KCNMA1: variants seen among roughly 807,000 people sequenced by gnomAD.
The protein encoded by KCNMA1 is potassium calcium-activated channel subfamily M alpha 1, also known as Calcium-activated potassium channel subunit alpha-1.
KCNMA1 carries 29 observed loss-of-function variants against 140.0 expected under a neutral mutation model. The observed-to-expected ratio is 0.21, with a 90% confidence interval of 0.15 to 0.28. The LOEUF (loss-of-function observed/expected upper bound fraction) is 0.28. Among genes scored for constraint, KCNMA1 ranks in the 10% least tolerant of loss-of-function variants. The pLI is 1.00. For missense variants in KCNMA1, 880 were observed against 1,602.2 expected, an observed-to-expected ratio of 0.55 and a Z score of 7.70; for synonymous variants, 612 against 611.9, an observed-to-expected ratio of 1.00 and a Z score of 0.00.
At chr10:77,375,907 C>T (rs560222593) in intron 2 of KCNMA1, among the ~76,000 whole-genome samples, 27 of 152,338 alleles carry the variant, frequency 1.8e-4, no homozygotes, top group African/African-American at 6.0e-4. Flanking sequence ...GCCTGCATCA[C>T]GACTCAACCT....
chr10:76,969,879 A>T, intron 20 of KCNMA1, 95 bp downstream of exon 20: 1 of 932,294 alleles, frequency 1.1e-6, no homozygotes, highest in Non-Finnish European at 1.8e-6. Context: ...CTTGCTGGGG[A>T]GGGGAGACTC....
At chr10:77,320,073 A>G (rs2081953012) in intron 2 of KCNMA1, among the ~76,000 whole-genome samples, 1 of 151,118 alleles carries the variant, frequency 6.6e-6, no homozygotes, top group Non-Finnish European at 1.5e-5. Context: ...TCCAGGTAAC[A>G]CAATCTACAC....
At chr10:77,324,723 C>G (rs999983532) in intron 2 of KCNMA1, among the ~76,000 whole-genome samples, 8 of 152,086 alleles carry the variant, frequency 5.3e-5, no homozygotes, top group Admixed American at 6.5e-5. Context: ...TCTCAGCATT[C>G]CTAGATGCAT....
At chr10:77,462,886 G>A (rs959477409) in intron 1 of KCNMA1, among the ~76,000 whole-genome samples, 1 of 152,106 alleles carries the variant, frequency 6.6e-6, no homozygotes, top group African/African-American at 2.4e-5. Context: ...TCCCAGCTTG[G>A]GAAACAGCCA....
chr10:77,506,734 G>A (rs1360314854), intron 1 of KCNMA1, among the ~76,000 whole-genome samples: 1 of 149,602 alleles, frequency 6.7e-6, no homozygotes, highest in Non-Finnish European at 1.5e-5. Context: ...GAGTGTGTGT[G>A]TGTGTGTTTG....
chr10:77,324,961 CTCTCTCTCTCTGTGTGTGTGTG>C (rs1368656507), intron 2 of KCNMA1, among the ~76,000 whole-genome samples: 86 of 132,464 alleles, frequency 6.5e-4, no homozygotes, highest in African/African-American at 2.2e-3. Flanking sequence ...CTCTCTCTCT[CTCTCTCTCTCTGTGTGTGTGTG>C]TGTGTGTGTG....
At chr10:77,572,778 C>G (rs987106495) in intron 1 of KCNMA1, among the ~76,000 whole-genome samples, 1 of 147,822 alleles carries the variant, frequency 6.8e-6, no homozygotes, top group South Asian at 2.1e-4. Context: ...AAATCAATAA[C>G]ATGCACACAC....
intron 1 of KCNMA1, among the ~76,000 whole-genome samples, chr10:77,608,957 G>A (rs2085627337): frequency 6.6e-6 from 1 of 152,136 alleles, no homozygotes; most frequent in Admixed American, 6.5e-5. Flanking sequence ...GTGCTGGTGT[G>A]GGTATAAAGA....
chr10:77,157,351 T>A (rs2098499825), intron 5 of KCNMA1, among the ~76,000 whole-genome samples: 1 of 152,106 alleles, frequency 6.6e-6, no homozygotes, highest in Admixed American at 6.5e-5. Context: ...CTAGTACAAG[T>A]TCATTTTATA....
chr10:77,606,333 C>A (rs183456224), intron 1 of KCNMA1, among the ~76,000 whole-genome samples: 23 of 152,298 alleles, frequency 1.5e-4, no homozygotes, highest in Non-Finnish European at 8.8e-5. Flanking sequence ...CCTCATGGCC[C>A]TCAAAAAGGC....
At chr10:77,422,345 T>C (rs2096885250) in intron 1 of KCNMA1, among the ~76,000 whole-genome samples, 1 of 152,230 alleles carries the variant, frequency 6.6e-6, no homozygotes, top group Non-Finnish European at 1.5e-5. Context: ...CCTTACATGT[T>C]TCTCAGCTGA....
intron 3 of KCNMA1, among the ~76,000 whole-genome samples, chr10:77,243,071 G>A (rs1238864710): frequency 6.6e-6 from 1 of 151,954 alleles, no homozygotes; most frequent in Non-Finnish European, 1.5e-5. Flanking sequence ...CACCAACCAG[G>A]GTCTCCCCAA....
Position 77,001,357 on chromosome 10 carries a change from T to A in KCNMA1, c.2266+50A>T, listed in dbSNP as rs532425405. On this transcript the variant is annotated intron_variant, in intron 19 of 27. Transcript: ENST00000286628. ...AGGGCACAGCACAAGACAGGGATGATACCACAGACAGCACAAACATGGAAC... is the reference window on the plus strand; with the variant it reads ...AGGGCACAGCACAAGACAGGGATGAAACCACAGACAGCACAAACATGGAAC... 1.9e-4 allele frequency: 288 copies of A among 1,501,368 alleles called. 2 individuals are homozygous for A. The South Asian group carries it at 3.3e-3, about 17-fold the overall frequency. The allele number at this position is 1,501,368 out of a possible 1,614,324, so 93.0% of individuals were successfully genotyped here.
At chr10:77,131,427 C>T (rs73291941) in intron 5 of KCNMA1, among the ~76,000 whole-genome samples, 73 of 151,924 alleles carry the variant, frequency 4.8e-4, no homozygotes, top group African/African-American at 1.6e-3. Flanking sequence ...TACATATAAC[C>T]ACATGGATGA....
intron 5 of KCNMA1, among the ~76,000 whole-genome samples, chr10:77,143,631 A>C (rs1450705623): frequency 6.6e-6 from 1 of 152,194 alleles, no homozygotes; most frequent in African/African-American, 2.4e-5. Context: ...GCTAAATCTG[A>C]AGCCTCTATA....
At chr10:77,246,697 T>C (rs1482079754) in intron 3 of KCNMA1, among the ~76,000 whole-genome samples, 1 of 152,234 alleles carries the variant, frequency 6.6e-6, no homozygotes, top group Non-Finnish European at 1.5e-5. Flanking sequence ...CATTATCACA[T>C]TTGAAGATGT....
At chr10:77,155,681 C>T (rs1030185497) in intron 5 of KCNMA1, among the ~76,000 whole-genome samples, 1 of 151,980 alleles carries the variant, frequency 6.6e-6, no homozygotes, top group East Asian at 1.9e-4. Flanking sequence ...TCCACCATTA[C>T]GATCTGAACT....
chr10:77,187,255 G>C (rs903198406), intron 3 of KCNMA1, among the ~76,000 whole-genome samples: 4 of 152,178 alleles, frequency 2.6e-5, no homozygotes, highest in Non-Finnish European at 5.9e-5. Flanking sequence ...AACATAAATG[G>C]AAACAGGTAT....
At chr10:77,460,923 C>T (rs566114062) in intron 1 of KCNMA1, among the ~76,000 whole-genome samples, 8 of 152,118 alleles carry the variant, frequency 5.3e-5, no homozygotes, top group South Asian at 4.2e-4. Flanking sequence ...CTTGCCAACA[C>T]GGTGAAACCC....
Sources: gnomAD v4.1 joint callset for allele counts (sites outside exome capture counted in the v4.1 genomes callset) on GRCh38, gnomAD v4.1.1 for gene constraint, MANE v1.5 for transcripts, NCBI Gene and HGNC (gene_info 2026-07-23, HGNC 2026-07-21) for gene names.